Variants in LHFPL3 observed in about 807,000 individuals in gnomAD.
LHFPL3 encodes LHFPL tetraspan subfamily member 3 protein.
In LHFPL3, 5 loss-of-function variants were observed where a neutral mutation model predicts 19.3. That is an observed-to-expected ratio of 0.26 (90% CI 0.14 to 0.54). The LOEUF (loss-of-function observed/expected upper bound fraction) is 0.54, where lower values mean the gene tolerates loss of function less well. Among genes scored for constraint, LHFPL3 ranks in the 20% least tolerant of loss-of-function variants. The pLI is 0.94. For synonymous variants in LHFPL3, 133 were observed against 126.2 expected, an observed-to-expected ratio of 1.05 and a Z score of -0.36; for missense variants, 249 against 307.4, an observed-to-expected ratio of 0.81 and a Z score of 1.42.
intron 1 of LHFPL3, among the ~76,000 whole-genome samples, chr7:104,330,576 A>G (rs1223381275): frequency 6.6e-6 from 1 of 152,112 alleles, no homozygotes; most frequent in Admixed American, 6.5e-5. Context: ...GAAAGTATTT[A>G]TTTTGTGTTT....
chr7:104,765,579 G>C (rs750359927), intron 2 of LHFPL3, among the ~76,000 whole-genome samples: 10 of 152,132 alleles, frequency 6.6e-5, no homozygotes, highest in African/African-American at 9.7e-5. Context: ...CATTTCCCAA[G>C]AGAAATTACA....
At chr7:104,449,550 C>T (rs977290639) in intron 1 of LHFPL3, among the ~76,000 whole-genome samples, 3 of 152,180 alleles carry the variant, frequency 2.0e-5, no homozygotes, top group African/African-American at 7.2e-5. Flanking sequence ...CATTTAGTAA[C>T]TCTGGGAGGA....
chr7:104,788,090 G>A (rs1488406272), intron 2 of LHFPL3, among the ~76,000 whole-genome samples: 1 of 152,200 alleles, frequency 6.6e-6, no homozygotes, highest in Non-Finnish European at 1.5e-5. Context: ...GGTGCCGTAG[G>A]AAGAATAGAA....
intron 1 of LHFPL3, among the ~76,000 whole-genome samples, chr7:104,496,346 C>T (rs1205653650): frequency 6.6e-6 from 1 of 152,218 alleles, no homozygotes; most frequent in East Asian, 1.9e-4. Context: ...ATATGTGCCA[C>T]ATTTTCTTAA....
chr7:104,751,320 A>AT (rs1794166250), intron 2 of LHFPL3, among the ~76,000 whole-genome samples: 1 of 151,594 alleles, frequency 6.6e-6, no homozygotes, highest in Non-Finnish European at 1.5e-5. Context: ...CTTGCCACAA[A>AT]ATCAGGGTAG....
intron 1 of LHFPL3, among the ~76,000 whole-genome samples, chr7:104,584,892 G>A (rs1416690491): frequency 6.6e-6 from 1 of 152,152 alleles, no homozygotes; most frequent in Non-Finnish European, 1.5e-5. Flanking sequence ...ACTAAGAACT[G>A]TTGAAATCCA....
intron 1 of LHFPL3, among the ~76,000 whole-genome samples, chr7:104,589,561 G>A (rs1584421708): frequency 6.6e-6 from 1 of 152,080 alleles, no homozygotes; most frequent in African/African-American, 2.4e-5. Flanking sequence ...AGGGATATTG[G>A]TCTAAAATTC....
chr7:104,833,348 T>A (rs567344920), intron 2 of LHFPL3, among the ~76,000 whole-genome samples: 14 of 4,196 alleles, frequency 3.3e-3, no homozygotes, highest in African/African-American at 0.012. Flanking sequence ...TATATATATA[T>A]TATATATATA....
intron 1 of LHFPL3, among the ~76,000 whole-genome samples, chr7:104,634,322 C>T (rs568025416): frequency 3.3e-5 from 5 of 152,244 alleles, no homozygotes; most frequent in African/African-American, 1.2e-4. Flanking sequence ...GGTGAGGGTT[C>T]CCTTCCTGGC....
intron 2 of LHFPL3, among the ~76,000 whole-genome samples, chr7:104,850,712 G>A (rs1160585988): frequency 6.6e-6 from 1 of 152,160 alleles, no homozygotes; most frequent in Non-Finnish European, 1.5e-5. Flanking sequence ...CCCCAGACCT[G>A]CTAAATCAGA....
At chr7:104,587,480 T>A (rs1790604594) in intron 1 of LHFPL3, among the ~76,000 whole-genome samples, 1 of 152,226 alleles carries the variant, frequency 6.6e-6, no homozygotes, top group Admixed American at 6.5e-5. Context: ...TAGTATTCCA[T>A]GGTGTATATG....
At chr7:104,366,389 TGTCAGGCACATA>T (rs1790496492) in intron 1 of LHFPL3, among the ~76,000 whole-genome samples, 1 of 152,340 alleles carries the variant, frequency 6.6e-6, no homozygotes, top group South Asian at 2.1e-4. Context: ...CTTAGCATGT[TGTCAGGCACATA>T]GTGGATGCTT....
At chr7:104,818,349 A>G (rs1185329051) in intron 2 of LHFPL3, among the ~76,000 whole-genome samples, 3 of 151,654 alleles carry the variant, frequency 2.0e-5, no homozygotes, top group African/African-American at 7.3e-5. Flanking sequence ...ACCTAAGGCA[A>G]CTGACTTTAA....
intron 2 of LHFPL3, among the ~76,000 whole-genome samples, chr7:104,784,909 CAGGGAA>C (rs1789884205): frequency 6.6e-6 from 1 of 152,192 alleles, no homozygotes; most frequent in Admixed American, 6.5e-5. Flanking sequence ...TTGTCAAGGG[CAGGGAA>C]GGGGAAGTGG....
intron 2 of LHFPL3, among the ~76,000 whole-genome samples, chr7:104,886,502 T>C (rs1792150554): frequency 6.6e-6 from 1 of 152,042 alleles, no homozygotes; most frequent in South Asian, 2.1e-4. Flanking sequence ...GTAGTTGGGA[T>C]TACAGGCGCC....
intron 2 of LHFPL3, among the ~76,000 whole-genome samples, chr7:104,870,444 G>A (rs1791811930): frequency 6.6e-6 from 1 of 152,174 alleles, no homozygotes; most frequent in Admixed American, 6.6e-5. Context: ...CTGTCTCCCA[G>A]GGCAAGGATT....
chr7:104,375,570 T>C (rs185954632), intron 1 of LHFPL3, among the ~76,000 whole-genome samples: 142 of 152,260 alleles, frequency 9.3e-4, no homozygotes, highest in African/African-American at 3.3e-3. Context: ...GTAATCAAAA[T>C]AGTATAAAGC....
chr7:104,514,354 A>G (rs1793880538), intron 1 of LHFPL3, among the ~76,000 whole-genome samples: 1 of 152,136 alleles, frequency 6.6e-6, no homozygotes, highest in South Asian at 2.1e-4. Context: ...CCACAGTTAT[A>G]ATTTTATCAT....
intron 2 of LHFPL3, among the ~76,000 whole-genome samples, chr7:104,827,066 C>G (rs569869091): frequency 6.6e-6 from 1 of 151,992 alleles, no homozygotes; most frequent in African/African-American, 2.4e-5. Flanking sequence ...ACCATTTACC[C>G]TAGACTAGAA....
Sources: allele counts gnomAD v4.1 joint callset (sites outside exome capture counted in the v4.1 genomes callset), GRCh38; gene constraint gnomAD v4.1.1; transcripts MANE v1.5; gene names NCBI Gene and HGNC (gene_info 2026-07-23, HGNC 2026-07-21).